The following HCFC1 variants were observed in gnomAD, a reference collection of about 807,000 sequenced individuals.
HCFC1 encodes host cell factor C1.
A neutral mutation model predicts 105.5 loss-of-function variants in HCFC1; 7 were observed. The observed-to-expected ratio is 0.07, with a 90% CI of 0.04 to 0.12. The LOEUF (loss-of-function observed/expected upper bound fraction) is 0.12, where lower values mean the gene tolerates loss of function less well. HCFC1 is among the 10% of genes least tolerant of loss of function. The probability of loss-of-function intolerance (pLI) is 1.00; values close to 1 mark genes in which losing one functional copy is unlikely to be tolerated. For synonymous variants in HCFC1, 918 were observed against 828.1 expected (o/e 1.11, Z -1.86); for missense variants, 1,065 against 1,823.6 (o/e 0.58, Z 7.58).
In HCFC1 at chrX:153,952,708, T is replaced by C. The variant is rs1240785607; in HGVS notation, c.4748A>G (p.Asp1583Gly). The C allele has an allele frequency of 2.5e-6, 3 of 1,208,511 alleles. No individual in the cohort carries two copies. The highest frequency in any genetic ancestry group is 3.5e-5 in the African/African-American group (2 of 57,562). ...QPPPPTQSEV[D>G]QLSLPQELMA... Reference sequence around the variant, plus strand: ...TAGCTCTTGGGGAAGTGATAACTGGTCTACTTCGGACTGTGTGGGTGGGGG... The same window carrying C: ...TAGCTCTTGGGGAAGTGATAACTGGCCTACTTCGGACTGTGTGGGTGGGGG... Residue 1583 changes from aspartate (D) to glycine (G), a missense_variant, in exon 19 of 26, where the codon GAC becomes GGC. Asp to Gly is a moderately conservative substitution (Grantham distance 94, BLOSUM62 -1). This residue lies in a region of HCFC1 where 546 missense variants were observed against 599.9 expected (regional missense o/e 0.91). Coordinates refer to ENST00000310441, the MANE Select transcript of HCFC1 (RefSeq NM_005334.3).
At chrX:153,966,333 G>A (rs1039779322) in intron 1 of HCFC1, among the ~76,000 whole-genome samples, 4 of 112,858 alleles carry the variant, frequency 3.5e-5, no homozygotes, top group Non-Finnish European at 3.7e-5. Context: ...GGTAGGCTTC[G>A]AGCAGGCTGA....
At chrX:153,950,593 G>A in intron 23 of HCFC1, 50 bp from the exon 24 acceptor site, 2 of 1,063,769 alleles carry the variant, frequency 1.9e-6, no homozygotes, top group Non-Finnish European at 2.5e-6. Flanking sequence ...GAGGCTTCCA[G>A]AACTGACTAA....
At chrX:153,969,318 C>T (rs2065502724) in intron 1 of HCFC1, 1 of 111,386 alleles carries the variant, frequency 9.0e-6, no homozygotes, top group Admixed American at 9.4e-5. Context: ...AGGGCCACCA[C>T]CGAGGCCAGG....
chrX:153,963,216 C>T lies in HCFC1; in HGVS notation c.712+9G>A, dbSNP rs781928343. Reference sequence around the variant, plus strand: ...CCCATGGCTGCTGGGGTGCTACCACCCTGCTCACCAATATCTAGGGTCCAC... The same window carrying T: ...CCCATGGCTGCTGGGGTGCTACCACTCTGCTCACCAATATCTAGGGTCCAC... On this transcript the variant is annotated intron_variant, in intron 4 of 25. Coordinates refer to ENST00000310441, the MANE Select transcript of HCFC1 (RefSeq NM_005334.3). The T allele has an allele frequency of 4.2e-6, 5 of 1,196,486 alleles. No homozygotes were observed. Among genetic ancestry groups the T allele is most frequent in the Admixed American group, 2.2e-5 (1 of 46,086 alleles).
rs1358703126 is a variant in HCFC1 at position 153,956,202 on chromosome X, T to C, written c.2845A>G (p.Ile949Val). Residue 949 changes from isoleucine (I) to valine (V), a missense_variant, in exon 16 of 26, where the codon ATC becomes GTC. Coordinates refer to ENST00000310441, the MANE Select transcript of HCFC1 (RefSeq NM_005334.3). ...TAAGGLTTPT[I>V]TMQPVSQPTQ... ...AGGCCCTGCCCTACCTGCATGGTGA[T>C]GGTTGGGGTTGTGAGCCCGCCTGCC... The C allele has an allele frequency of 8.3e-7, 1 of 1,209,279 alleles. No homozygotes were observed. The highest frequency in any genetic ancestry group is 1.1e-6 in the Non-Finnish European group (1 of 893,552).
At position 153,956,391 on chromosome X, in the gene HCFC1, C is replaced by T. The variant is rs1557114957; in HGVS notation, c.2656G>A (p.Val886Met). The change falls in exon 16 of 26, where the codon GTG (valine) becomes ATG (methionine). Residue 886 changes from valine to methionine, a missense_variant. Transcript: ENST00000310441. ...GTTGVTTLGT[V>M]TGTVSTSLAG... ...AGGCTGGTGGAGACGGTGCCTGTCA[C>T]TGTGCCTAGGGTCGTGACACCTGAA... The T allele has an allele frequency of 1.7e-6, 2 of 1,211,556 alleles. No homozygotes were observed. Among genetic ancestry groups the T allele is most frequent in the South Asian group, 3.5e-5 (2 of 57,009 alleles).
chrX:153,959,576 G>T, intron 8 of HCFC1, 85 bp from the exon 9 acceptor site: 1 of 1,088,063 alleles, frequency 9.2e-7, no homozygotes. Flanking sequence ...AGCCACTTCT[G>T]TTGGCCTGCT....
chrX:153,955,483 C>T lies in HCFC1; in HGVS notation c.2916G>A (p.Gln972=), dbSNP rs1557114605. ...TGGACACAGGGAGGTCATGCACAGG[C>T]TGGGCCTCCACCCCACTAGGTGCCG... ...LITAPSGVEA[Q]PVHDLPVSIL... Residue 972 remains glutamine, a synonymous_variant, in exon 17 of 26, where the codon CAG becomes CAA. Transcript: ENST00000310441. The T allele has an allele frequency of 3.4e-6, 4 of 1,191,192 alleles. No homozygotes were observed. The highest frequency in any genetic ancestry group is 4.5e-5 in the Admixed American group (2 of 44,701).
At chrX:153,951,229 T>A (rs966675558) in intron 22 of HCFC1, 121 bp downstream of exon 22, 1 of 831,149 alleles carries the variant, frequency 1.2e-6, no homozygotes, top group Non-Finnish European at 1.8e-6. Flanking sequence ...CTGCCCACCT[T>A]CCTCAGGCTT....
intron 9 of HCFC1, among the ~76,000 whole-genome samples, chrX:153,959,045 C>T (rs1374742762): frequency 8.8e-6 from 1 of 113,131 alleles, no homozygotes; most frequent in Non-Finnish European, 1.9e-5. Context: ...TCTCATGGGC[C>T]TGTGGCAAGC....
At position 153,962,194 on chromosome X, in the gene HCFC1, AGAGAGACGCAGGT is replaced by A. The variant is rs782509723; in HGVS notation, c.797+15_797+27del. The stretch of plus-strand genomic sequence containing the variant: ...GGGAGGGGCCACGCCAGTCTAGAGA[AGAGAGACGCAGGT>A]GAGCAGCCACTTACTTATTTCCGAT... On this transcript the variant is annotated intron_variant, in intron 5 of 25. Transcript: ENST00000310441. 6 of 1,145,401 alleles carry A rather than the reference AGAGAGACGCAGGT, an allele frequency of 5.2e-6. No homozygotes were observed. In the South Asian group the frequency reaches 1.1e-4, roughly 21 times the overall value. The allele number at this position is 1,145,401 out of a possible 1,213,427, so 94.4% of individuals were successfully genotyped here.
chrX:153,959,564 T>C (rs1299403279), intron 8 of HCFC1, 73 bp from the exon 9 acceptor site: 9 of 1,131,569 alleles, frequency 8.0e-6, no homozygotes, highest in Non-Finnish European at 1.1e-5. Context: ...CAGGCAGCCC[T>C]GAGCCACTTC....
Position 153,958,670 on chromosome X carries a change from G to A in HCFC1, c.1702C>T (p.Leu568=). ...KIPPSSAPTV[L]SVPAGTTIVK... ...ATGGTGGTACCCGCTGGGACACTCA[G>A]CACCGTGGGTGCCGAGGAAGGGGGG... Residue 568 remains leucine (L), a synonymous_variant, in exon 10 of 26, where the codon CTG becomes TTG. Coordinates refer to ENST00000310441, the MANE Select transcript of HCFC1 (RefSeq NM_005334.3). 1 of 1,202,854 alleles carries A rather than the reference G, an allele frequency of 8.3e-7. No homozygotes were observed. The highest frequency in any genetic ancestry group is 1.1e-6 in the Non-Finnish European group (1 of 890,226).
rs200046809 is a variant in HCFC1 at position 153,956,876 on chromosome X, G to A, written c.2496+42C>T. On this transcript the variant is annotated intron_variant, in intron 14 of 25. Coordinates refer to ENST00000310441, the MANE Select transcript of HCFC1 (RefSeq NM_005334.3). ...CCTGCGTGGCGTGCTGGGGTGGACT[G>A]CACTAGGACACTGGGCTGAGAGACG... 1.0e-3 allele frequency: 1,254 copies of A among 1,206,772 alleles called. 16 individuals are homozygous for A. In the South Asian group the frequency reaches 0.021, roughly 20 times the overall value.
chrX:153,950,002 G>A (rs782023698), intron 24 of HCFC1, among the ~76,000 whole-genome samples: 19 of 111,521 alleles, frequency 1.7e-4, no homozygotes, highest in South Asian at 3.7e-4. Context: ...ACACTTTCCC[G>A]CCAGCCCTCT....
In HCFC1 at chrX:153,948,496, CA is replaced by C. The variant is rs1180963974; in HGVS notation, c.*850del. 1.9e-5 allele frequency: 2 copies of C among 105,497 alleles called. No homozygotes were observed. Among genetic ancestry groups the C allele is most frequent in the Non-Finnish European group, 4.0e-5 (2 of 50,105 alleles). The allele number at this position is 105,497 out of a possible 1,213,427, so 8.7% of individuals were successfully genotyped here. On this transcript the variant is annotated 3_prime_UTR_variant, in exon 26 of 26. Coordinates refer to ENST00000310441, the MANE Select transcript of HCFC1 (RefSeq NM_005334.3). ...GAAGAAAAAAGTAAAAAAACAAAAACAAAACAAAACAAAACAAAAAAAAGAG... is the reference window on the plus strand; with the variant it reads ...GAAGAAAAAAGTAAAAAAACAAAAACAAACAAAACAAAACAAAAAAAAGAG...
intron 1 of HCFC1, chrX:153,969,514 C>T (rs782787840): frequency 8.9e-6 from 1 of 112,983 alleles, no homozygotes; most frequent in South Asian, 3.6e-4. Context: ...GCCTTCTGGG[C>T]AAGGCCAGGG....
intron 19 of HCFC1, 55 bp downstream of exon 19, chrX:153,952,459 C>A (rs1341154279): frequency 2.0e-5 from 22 of 1,074,725 alleles, no homozygotes; most frequent in Admixed American, 6.0e-5. Context: ...GCTGTCTCCG[C>A]GGCCTATTGC....
intron 12 of HCFC1, 104 bp downstream of exon 12, chrX:153,957,678 C>T (rs1335034871): frequency 2.6e-6 from 2 of 770,512 alleles, no homozygotes; most frequent in East Asian, 6.4e-5. Context: ...ACTTGCTGAG[C>T]CATGTGTGCT....
Sources: allele counts gnomAD v4.1 joint callset (sites outside exome capture counted in the v4.1 genomes callset), GRCh38; gene constraint gnomAD v4.1.1; regional missense constraint gnomAD v4.1.1; transcripts MANE v1.5; gene names NCBI Gene and HGNC (gene_info 2026-07-23, HGNC 2026-07-21).